ZNF316: variants seen among roughly 807,000 people sequenced by gnomAD.
The protein encoded by ZNF316 is zinc finger protein 316.
Under a neutral mutation model 75.6 loss-of-function variants are expected in ZNF316, and 23 were observed. The observed-to-expected ratio is 0.30, with a 90% CI of 0.22 to 0.43. The LOEUF is 0.43. ZNF316 is among the 20% of genes least tolerant of loss of function. ZNF316 has a pLI of 1.00. For synonymous variants in ZNF316, 827 were observed against 666.2 expected, an observed-to-expected ratio of 1.24 and a Z score of -3.72; for missense variants, 1,266 against 1,409.4, an observed-to-expected ratio of 0.90 and a Z score of 1.63.
At chr7:6,649,713 C>T (rs925128400) in intron 8 of ZNF316, among the ~76,000 whole-genome samples, 1 of 152,182 alleles carries the variant, frequency 6.6e-6, no homozygotes, top group Non-Finnish European at 1.5e-5. Context: ...ATGTCCTTCC[C>T]CTCCTGCACT....
intron 8 of ZNF316, among the ~76,000 whole-genome samples, chr7:6,646,573 C>T (rs1779407903): frequency 6.6e-6 from 1 of 152,152 alleles, no homozygotes; most frequent in Non-Finnish European, 1.5e-5. Context: ...CCTGCATCCC[C>T]TGCGGATGGT....
chr7:6,652,332 G>A lies in ZNF316; in HGVS notation c.736G>A (p.Asp246Asn). Residue 246 changes from aspartate to asparagine, a missense_variant, in exon 9 of 9, where the codon GAC becomes AAC. Coordinates refer to ENST00000382252, the MANE Select transcript of ZNF316 (RefSeq NM_001278559.2). ...CTGGTTCTGGACGGACGACATAGAG[G>A]ACCACGAGGAGGAAGACGACGAGGA... ...GAWFWTDDIE[D>N]HEEEDDEDFL... 8.1e-7 allele frequency: 1 copy of A among 1,232,400 alleles called. No individual in the cohort carries two copies. 76.3% of individuals were successfully genotyped at this position (1,232,400 alleles called of 1,614,324 possible).
chr7:6,648,012 T>C (rs1779439677), intron 8 of ZNF316, among the ~76,000 whole-genome samples: 3 of 152,178 alleles, frequency 2.0e-5, no homozygotes, highest in Admixed American at 2.0e-4. Flanking sequence ...GCCCCTGGGA[T>C]CACCACTGCC....
In ZNF316 at chr7:6,657,204, C is replaced by T. The variant is rs191159781; in HGVS notation, c.*2593C>T. 2.6e-5 allele frequency among the ~76,000 whole-genome samples: 4 copies of T among 150,958 alleles called. No individual in the cohort carries two copies. Among genetic ancestry groups the T allele is most frequent in the East Asian group, 3.9e-4 (2 of 5,078 alleles). Reference sequence around the variant, plus strand: ...AGAGATGGGATTTCAGCATATTGGCCAGGCTGGTCTTGAGCTCCTGATCTT... The same window carrying T: ...AGAGATGGGATTTCAGCATATTGGCTAGGCTGGTCTTGAGCTCCTGATCTT... On this transcript the variant is annotated 3_prime_UTR_variant, in exon 9 of 9. Coordinates refer to ENST00000382252, the MANE Select transcript of ZNF316 (RefSeq NM_001278559.2).
At chr7:6,648,344 A>G (rs1385647974) in intron 8 of ZNF316, among the ~76,000 whole-genome samples, 1 of 152,060 alleles carries the variant, frequency 6.6e-6, no homozygotes, top group Non-Finnish European at 1.5e-5. Flanking sequence ...CTTGGTGGGG[A>G]TCTGTGGCCA....
In ZNF316 at chr7:6,644,599, C is replaced by T. The variant is rs553472864; in HGVS notation, c.706+6C>T. 170 of 1,228,618 alleles carry T rather than the reference C, an allele frequency of 1.4e-4. No individual in the cohort carries two copies. The African/African-American group carries it at 2.3e-3, about 17-fold the overall frequency. 76.1% of individuals were successfully genotyped at this position (1,228,618 alleles called of 1,614,324 possible). A position where few individuals can be genotyped will look rare whatever the true frequency, so the allele number is the denominator to read the frequency against. ...CGTCACTGGCGTCTACACAGGTGAG[C>T]GTGGATGGAATTTTGCGGTTTGTGC... On this transcript the variant is annotated splice_donor_region_variant and intron_variant, in intron 8 of 8. Transcript: ENST00000382252.
rs1329311403 is a variant in ZNF316 at position 6,655,010 on chromosome 7, C to T, written c.*399C>T. 2 of 153,482 alleles carry T rather than the reference C, an allele frequency of 1.3e-5. No individual in the cohort carries two copies. Among genetic ancestry groups the T allele is most frequent in the Non-Finnish European group, 2.9e-5 (2 of 69,010 alleles). The allele number at this position is 153,482 out of a possible 1,614,324, so 9.5% of individuals were successfully genotyped here. ...CCGGGTGTGGCGGCGAGGGAGGGGCCCGGCCACCCAGGTGGGCCAGCGGGA... is the reference window on the plus strand; with the variant it reads ...CCGGGTGTGGCGGCGAGGGAGGGGCTCGGCCACCCAGGTGGGCCAGCGGGA... On this transcript the variant is annotated 3_prime_UTR_variant, in exon 9 of 9. Transcript: ENST00000382252.
At chr7:6,650,566 C>A (rs1779489881) in intron 8 of ZNF316, among the ~76,000 whole-genome samples, 1 of 152,180 alleles carries the variant, frequency 6.6e-6, no homozygotes, top group African/African-American at 2.4e-5. Flanking sequence ...GGGCATGCAG[C>A]CTGGCAGGGG....
intron 8 of ZNF316, among the ~76,000 whole-genome samples, chr7:6,648,660 G>A (rs1405921191): frequency 5.3e-5 from 8 of 152,206 alleles, no homozygotes; most frequent in South Asian, 4.1e-4. Context: ...TGGCCAGTGC[G>A]TCATAGGAGT....
rs1195022511 is a variant in ZNF316 at position 6,652,750 on chromosome 7, G to C, written c.1154G>C (p.Arg385Pro). Residue 385 changes from arginine to proline, a missense_variant, in exon 9 of 9, where the codon CGC becomes CCC. Around this residue, in one of 3 missense-constraint regions of ZNF316, gnomAD observed 961 missense variants for 990.9 expected, o/e 0.97. Transcript: ENST00000382252. ...CEECGKGFVY[R>P]SHLAIHQRTH... is the part of the protein sequence containing the mutation. The stretch of plus-strand genomic sequence containing the variant: ...GAGTGCGGCAAGGGCTTCGTGTACC[G>C]CTCGCACTTGGCCATCCACCAGCGC... The C allele has an allele frequency of 7.9e-7, 1 of 1,258,086 alleles. No homozygotes were observed. 77.9% of individuals were successfully genotyped at this position (1,258,086 alleles called of 1,614,324 possible). A position where few individuals can be genotyped will look rare whatever the true frequency, so the allele number is the denominator to read the frequency against.
rs1251365670 is a variant in ZNF316 at position 6,655,972 on chromosome 7, A to G, written c.*1361A>G. On this transcript the variant is annotated 3_prime_UTR_variant, in exon 9 of 9. Coordinates refer to ENST00000382252, the MANE Select transcript of ZNF316 (RefSeq NM_001278559.2). ...TGGGGCCACTGTGAATGGGGCCAGG[A>G]AACGGATTTTTGGTGCAGCTGCATT... 1 of 152,268 alleles carries G rather than the reference A, an allele frequency of 6.6e-6. No individual in the cohort carries two copies. Among genetic ancestry groups the G allele is most frequent in the Non-Finnish European group, 1.5e-5 (1 of 68,106 alleles). The allele number at this position is 152,268 out of a possible 1,614,324, so 9.4% of individuals were successfully genotyped here. A position where few individuals can be genotyped will look rare whatever the true frequency, so the allele number is the denominator to read the frequency against.
In ZNF316 at chr7:6,656,820, C is replaced by T. The variant is rs569678411; in HGVS notation, c.*2209C>T. ...AGCACCATGTGGCTCATCCAGGGCT[C>T]ACCTACTCCAGTACCAGGGCAAGGT... is the stretch of plus-strand genomic sequence containing the variant. On this transcript the variant is annotated 3_prime_UTR_variant, in exon 9 of 9. Coordinates refer to ENST00000382252, the MANE Select transcript of ZNF316 (RefSeq NM_001278559.2). Among the ~76,000 whole-genome samples the T allele has an allele frequency of 1.4e-4, 21 of 151,286 alleles. No homozygotes were observed. The highest frequency in any genetic ancestry group is 1.2e-3 in the Admixed American group (18 of 15,220).
In ZNF316 at chr7:6,652,488, G is replaced by A. The variant is rs754188911; in HGVS notation, c.892G>A (p.Gly298Arg). ...TTCGGCGCAGACTCCAGAGGGGTGG[G>A]GACCCGACCCAGGCGGCCTGGGGGT... ...SDSAQTPEGW[G>R]PDPGGLGVLA... Residue 298 changes from glycine (G) to arginine (R), a missense_variant, in exon 9 of 9, where the codon GGA becomes AGA. By Grantham distance (125) the Gly-to-Arg change is moderately radical. Transcript: ENST00000382252. 1.2e-4 allele frequency: 145 copies of A among 1,231,548 alleles called. No individual in the cohort carries two copies. The highest frequency in any genetic ancestry group is 1.4e-4 in the Non-Finnish European group (138 of 987,704). The allele number at this position is 1,231,548 out of a possible 1,614,324, so 76.3% of individuals were successfully genotyped here.
rs1035528366 is a variant in ZNF316, at chr7:6,653,367, C to T, written c.1771C>T (p.Pro591Ser). The change falls in exon 9 of 9, where the codon CCC becomes TCC. Residue 591 changes from proline to serine, a missense_variant. Physicochemically the swap from Pro to Ser is moderately conservative, Grantham distance 74 (BLOSUM62 -1). Around this residue, in one of 3 missense-constraint regions of ZNF316, gnomAD observed 961 missense variants for 990.9 expected, o/e 0.97. Coordinates refer to ENST00000382252, the MANE Select transcript of ZNF316 (RefSeq NM_001278559.2). ...LGNGLGEGEG[P>S]SSHPLGFHFP... is the part of the protein sequence containing the mutation. ...CAACGGCCTGGGGGAGGGCGAAGGC[C>T]CCTCCTCCCACCCGCTGGGCTTCCA... is the stretch of plus-strand genomic sequence containing the variant. 17 of 1,226,180 alleles carry T rather than the reference C, an allele frequency of 1.4e-5. No individual in the cohort carries two copies. The highest frequency in any genetic ancestry group is 9.5e-5 in the East Asian group (3 of 31,502). 76.0% of individuals were successfully genotyped at this position (1,226,180 alleles called of 1,614,324 possible).
In ZNF316 at chr7:6,657,311, CAAAAAAAAAAAAA is replaced by C. The variant is rs33942632; in HGVS notation, c.*2715_*2727del. Among the ~76,000 whole-genome samples the C allele has an allele frequency of 1.7e-4, 11 of 65,200 alleles. No homozygotes were observed. Among genetic ancestry groups the C allele is most frequent in the South Asian group, 8.2e-4 (1 of 1,222 alleles). The allele number at this position is 65,200 out of a possible 152,430, so 42.8% of individuals were successfully genotyped here. ...GCCCGGCCAGAGCAACCTAATATTT[CAAAAAAAAAAAAA>C]AAAAAAAAAAAAAAGCCGGGCATAG... On this transcript the variant is annotated 3_prime_UTR_variant, in exon 9 of 9. Transcript: ENST00000382252.
intron 6 of ZNF316, among the ~76,000 whole-genome samples, chr7:6,643,602 A>G (rs1779349269): frequency 6.6e-6 from 1 of 152,052 alleles, no homozygotes. Context: ...GCTCTGCCCT[A>G]CGAGCTGGGT....
At chr7:6,646,949 C>T (rs1477957967) in intron 8 of ZNF316, among the ~76,000 whole-genome samples, 4 of 152,178 alleles carry the variant, frequency 2.6e-5, no homozygotes, top group Non-Finnish European at 5.9e-5. Flanking sequence ...CTGAAGCCCC[C>T]ACCTGCCCTT....
Position 6,638,503 on chromosome 7 carries a change from G to GT in ZNF316, c.-267+497dup, listed in dbSNP as rs537806794. 6.3e-4 allele frequency among the ~76,000 whole-genome samples: 96 copies of GT among 152,334 alleles called. No individual in the cohort carries two copies. The Middle Eastern group carries it at 0.01, about 16-fold the overall frequency. ...CCTGGCTTTGGAGCTTTTGTGAGGA[G>GT]TTTCTATCAACTTTCAAGCTTTGCC... On this transcript the variant is annotated intron_variant, in intron 2 of 8. Transcript: ENST00000382252.
Position 6,640,628 on chromosome 7 carries a change from A to T in ZNF316, c.-166-1197A>T, listed in dbSNP as rs1355848971. Among the ~76,000 whole-genome samples the T allele has an allele frequency of 6.6e-6, 1 of 152,060 alleles. No individual in the cohort carries two copies. Among genetic ancestry groups the T allele is most frequent in the Non-Finnish European group, 1.5e-5 (1 of 67,992 alleles). Reference sequence around the variant, plus strand: ...GCGTGAGATCTGGGCGGGGACAAACATCCAGGCTCCATCAGTCCCCTTCCA... The same window carrying T: ...GCGTGAGATCTGGGCGGGGACAAACTTCCAGGCTCCATCAGTCCCCTTCCA... On this transcript the variant is annotated intron_variant, in intron 3 of 8. Transcript: ENST00000382252. This position sits in a 1 kb window ranked among gnomAD's most constrained non-coding sequence, Gnocchi z 5.1.
Sources: gnomAD v4.1 joint callset for allele counts (sites outside exome capture counted in the v4.1 genomes callset) on GRCh38, gnomAD v4.1.1 for gene constraint, gnomAD v4.1.1 regional missense constraint, Gnocchi (gnomAD v3.1) non-coding constraint, MANE v1.5 for transcripts, NCBI Gene and HGNC (gene_info 2026-07-23, HGNC 2026-07-21) for gene names.